FOXN3: variants seen among roughly 807,000 people sequenced by gnomAD.
FOXN3 encodes the protein forkhead box protein N3.
FOXN3 carries 7 observed loss-of-function variants against 38.4 expected under a neutral mutation model. That is an observed-to-expected ratio of 0.18 (90% CI 0.10 to 0.34). The LOEUF (loss-of-function observed/expected upper bound fraction) is 0.34, where lower values mean the gene tolerates loss of function less well. FOXN3 is among the 10% of genes least tolerant of loss of function. The pLI is 1.00. For synonymous variants in FOXN3, 230 were observed against 242.2 expected, an observed-to-expected ratio of 0.95 and a Z score of 0.47; for missense variants, 456 against 613.4, an observed-to-expected ratio of 0.74 and a Z score of 2.71.
chr14:89,265,105 A>AT (rs1885930221), intron 4 of FOXN3, among the ~76,000 whole-genome samples: 1 of 152,168 alleles, frequency 6.6e-6, no homozygotes. Flanking sequence ...TCATGATCTT[A>AT]TTTAGAAATT....
chr14:89,410,815 G>A (rs1244761849), intron 2 of FOXN3, among the ~76,000 whole-genome samples: 1 of 151,878 alleles, frequency 6.6e-6, no homozygotes, highest in African/African-American at 2.4e-5. Flanking sequence ...CAAAGCTGCA[G>A]TGGGCAGTGA....
At chr14:89,552,754 G>A (rs1301743803) in intron 1 of FOXN3, among the ~76,000 whole-genome samples, 1 of 152,150 alleles carries the variant, frequency 6.6e-6, no homozygotes, top group Non-Finnish European at 1.5e-5. Flanking sequence ...AGCTACTATG[G>A]AGGCTGAGAC....
Position 89,381,703 on chromosome 14 carries a change from T to TA in FOXN3, c.543+30230dup, listed in dbSNP as rs1890653819. ...GAAGACCCCATCTCTATGAAAAAAT[T>TA]AAAAAAATTAGCCAGGTGTGATGGT... On this transcript the variant is annotated intron_variant, in intron 2 of 5. Coordinates refer to ENST00000557258, the MANE Select transcript of FOXN3 (RefSeq NM_005197.4). 2.0e-5 allele frequency among the ~76,000 whole-genome samples: 3 copies of TA among 151,626 alleles called. No homozygotes were observed. In the South Asian group the frequency reaches 6.2e-4, roughly 32 times the overall value.
intron 2 of FOXN3, among the ~76,000 whole-genome samples, chr14:89,375,187 T>C (rs185614194): frequency 6.6e-6 from 1 of 152,294 alleles, no homozygotes; most frequent in Admixed American, 6.5e-5. Flanking sequence ...TAATGGTGGT[T>C]ACAGAGGTAT....
At position 89,323,149 on chromosome 14, in the gene FOXN3, G is replaced by A. The variant is rs926313125; in HGVS notation, c.680+27523C>T. ...TAAAAATACAAAAAATTAGCCAGGC[G>A]TGGTGGCAGGCAACTGCAGTCCCAG... is the stretch of plus-strand genomic sequence containing the variant. On this transcript the variant is annotated intron_variant, in intron 3 of 5. Transcript: ENST00000557258. Among the ~76,000 whole-genome samples the A allele has an allele frequency of 3.9e-5, 6 of 152,084 alleles. No homozygotes were observed. The South Asian group carries it at 6.2e-4, about 16-fold the overall frequency.
intron 2 of FOXN3, among the ~76,000 whole-genome samples, chr14:89,397,441 TAAAAAA>T (rs35139656): frequency 2.5e-5 from 3 of 120,660 alleles, no homozygotes; most frequent in African/African-American, 9.1e-5. Flanking sequence ...AAATAAAAGT[TAAAAAA>T]AAAAAAAAAA....
At chr14:89,545,106 T>C (rs1894860174) in intron 1 of FOXN3, among the ~76,000 whole-genome samples, 1 of 152,240 alleles carries the variant, frequency 6.6e-6, no homozygotes, top group Non-Finnish European at 1.5e-5. Flanking sequence ...GGTTCTGGAA[T>C]GAAGCAGGCC....
At chr14:89,172,620 A>T (rs546155637) in intron 5 of FOXN3, among the ~76,000 whole-genome samples, 1 of 152,338 alleles carries the variant, frequency 6.6e-6, no homozygotes, top group East Asian at 1.9e-4. Context: ...ACTTACAAAG[A>T]TATCATAATT....
chr14:89,338,294 C>T (rs1214242895), intron 3 of FOXN3, among the ~76,000 whole-genome samples: 1 of 152,188 alleles, frequency 6.6e-6, no homozygotes. Flanking sequence ...ATATTTTTCA[C>T]TACTCTTATA....
At chr14:89,308,801 G>C (rs370654251) in intron 3 of FOXN3, among the ~76,000 whole-genome samples, 12 of 152,346 alleles carry the variant, frequency 7.9e-5, no homozygotes, top group African/African-American at 2.4e-4. Flanking sequence ...GCTGTGGCCT[G>C]AGCAGATGTA....
intron 2 of FOXN3, among the ~76,000 whole-genome samples, chr14:89,373,507 C>T (rs1338908214): frequency 6.6e-6 from 1 of 152,176 alleles, no homozygotes; most frequent in Non-Finnish European, 1.5e-5. Flanking sequence ...ATCCAGGTAA[C>T]AGCAGCCTTA....
At chr14:89,248,639 A>G (rs1885365797) in intron 4 of FOXN3, among the ~76,000 whole-genome samples, 1 of 152,264 alleles carries the variant, frequency 6.6e-6, no homozygotes. Flanking sequence ...GGCAGTGGAA[A>G]ACTGCCTGCT....
intron 4 of FOXN3, among the ~76,000 whole-genome samples, chr14:89,213,109 C>T (rs1317393528): frequency 6.6e-6 from 1 of 152,178 alleles, no homozygotes; most frequent in African/African-American, 2.4e-5. Context: ...CCTTCCCAGG[C>T]ACAGGGAAGT....
At chr14:89,509,175 G>A (rs1894008037) in intron 1 of FOXN3, among the ~76,000 whole-genome samples, 2 of 152,040 alleles carry the variant, frequency 1.3e-5, no homozygotes. Context: ...GCATCGACCT[G>A]CCTTTCCCTC....
rs139793544 is a variant in FOXN3, at chr14:89,331,110, G to C, written c.680+19562C>G. ...GTGTACATACAGTTCAGTGGCATTT[G>C]GTGTATTCACACTGTTGTGCAACCA... On this transcript the variant is annotated intron_variant, in intron 3 of 5. Transcript: ENST00000557258. 4.3e-4 allele frequency among the ~76,000 whole-genome samples: 66 copies of C among 152,246 alleles called. No individual in the cohort carries two copies. The East Asian group carries it at 0.012, about 27-fold the overall frequency.
chr14:89,399,804 C>T (rs182405664), intron 2 of FOXN3, among the ~76,000 whole-genome samples: 1 of 152,338 alleles, frequency 6.6e-6, no homozygotes, highest in East Asian at 1.9e-4. Context: ...TGCATCTAAA[C>T]TAGTTTGGTC....
intron 5 of FOXN3, among the ~76,000 whole-genome samples, chr14:89,178,164 G>A (rs1406181109): frequency 6.6e-6 from 1 of 150,862 alleles, no homozygotes; most frequent in Non-Finnish European, 1.5e-5. Context: ...GTGCCACCAT[G>A]CCCAGGTCAT....
intron 4 of FOXN3, among the ~76,000 whole-genome samples, chr14:89,253,321 A>G (rs1014079555): frequency 6.6e-6 from 1 of 152,184 alleles, no homozygotes; most frequent in Non-Finnish European, 1.5e-5. Flanking sequence ...TGGAAGAGTG[A>G]ATTCAAGAGC....
intron 1 of FOXN3, among the ~76,000 whole-genome samples, chr14:89,505,051 G>C (rs115105780): frequency 0.037 from 5,587 of 152,204 alleles, 327 homozygotes; most frequent in African/African-American, 0.12. Context: ...GATTGAAAAA[G>C]ATGCATGCTC....
Sources: allele counts gnomAD v4.1 joint callset (sites outside exome capture counted in the v4.1 genomes callset), GRCh38; gene constraint gnomAD v4.1.1; transcripts MANE v1.5; gene names NCBI Gene and HGNC (gene_info 2026-07-23, HGNC 2026-07-21).